Variants in KYNU observed in about 807,000 individuals in gnomAD.
KYNU encodes the protein L-kynurenine hydrolase.
A neutral mutation model predicts 59.2 loss-of-function variants in KYNU; 54 were observed. That is an observed-to-expected ratio of 0.91 (90% CI 0.73 to 1.14). The LOEUF (loss-of-function observed/expected upper bound fraction) is 1.14, where lower values mean the gene tolerates loss of function less well. Ranked by LOEUF, KYNU falls within the 50% of genes most tolerant of loss-of-function variation. The probability of loss-of-function intolerance (pLI) is 0.00; values close to 1 mark genes in which losing one functional copy is unlikely to be tolerated. For missense variants in KYNU, 567 were observed against 554.4 expected (o/e 1.02, Z -0.23); for synonymous variants, 177 against 192.0 (o/e 0.92, Z 0.65).
At chr2:142,994,475 T>C (rs1396845028) in intron 10 of KYNU, among the ~76,000 whole-genome samples, 1 of 152,096 alleles carries the variant, frequency 6.6e-6, no homozygotes, top group African/African-American at 2.4e-5. Context: ...CATGACCAAC[T>C]CATGTATAGA....
At position 143,040,458 on chromosome 2, in the gene KYNU, C is replaced by T. The variant is rs140239671; in HGVS notation, c.1072C>T (p.Arg358Trp). 23 of 1,612,524 alleles carry T rather than the reference C, an allele frequency of 1.4e-5. No individual in the cohort carries two copies. The highest frequency in any genetic ancestry group is 8.0e-5 in the African/African-American group (6 of 74,840). Reference sequence around the variant, plus strand: ...TAAGCAAGCGACAATGAAGGCATTGCGGAAAAAATCTGTTTTGCTAACTGG... The same window carrying T: ...TAAGCAAGCGACAATGAAGGCATTGTGGAAAAAATCTGTTTTGCTAACTGG... ...IFKQATMKAL[R>W]KKSVLLTGYL... The change falls in exon 13 of 14, where the codon CGG becomes TGG. Residue 358 changes from arginine (R) to tryptophan (W), a missense_variant. Arg to Trp is a moderately radical substitution (Grantham distance 101). Transcript: ENST00000264170.
chr2:142,986,158 TAAC>T (rs922955829), intron 10 of KYNU, 137 bp downstream of exon 10: 26 of 674,268 alleles, frequency 3.9e-5, no homozygotes, highest in Non-Finnish European at 6.3e-5. Flanking sequence ...CCTACTCTGC[TAAC>T]AACAATATAC....
At chr2:142,930,631 G>A (rs1227288362) in intron 4 of KYNU, among the ~76,000 whole-genome samples, 1 of 152,060 alleles carries the variant, frequency 6.6e-6, no homozygotes, top group East Asian at 1.9e-4. Context: ...TGTACTGGAG[G>A]AAACAGTTCT....
intron 10 of KYNU, among the ~76,000 whole-genome samples, chr2:143,004,104 G>A (rs904981478): frequency 6.6e-6 from 1 of 152,160 alleles, no homozygotes; most frequent in Non-Finnish European, 1.5e-5. Flanking sequence ...TTCATTAGAT[G>A]ATAGGCTTCT....
At chr2:143,019,378 C>A (rs535997117) in intron 10 of KYNU, among the ~76,000 whole-genome samples, 4 of 152,102 alleles carry the variant, frequency 2.6e-5, no homozygotes, top group African/African-American at 9.6e-5. Flanking sequence ...CTTTTCAGCA[C>A]GTATTGAAAT....
Position 142,960,544 on chromosome 2 carries a change from C to T in KYNU, c.583-80C>T, listed in dbSNP as rs145079578. On this transcript the variant is annotated intron_variant, in intron 7 of 13. Transcript: ENST00000264170. The stretch of plus-strand genomic sequence containing the variant: ...CTATTTTATAATGCAAAAGGGCTCA[C>T]GGTGAAATTTAGATCGGCAATATGA... 9.0e-5 allele frequency: 119 copies of T among 1,322,826 alleles called. 1 individual carries two copies. The African/African-American group carries it at 1.0e-3, about 12-fold the overall frequency. 81.9% of individuals were successfully genotyped at this position (1,322,826 alleles called of 1,614,324 possible).
At chr2:142,883,489 C>T (rs376169202) in intron 1 of KYNU, among the ~76,000 whole-genome samples, 5 of 152,134 alleles carry the variant, frequency 3.3e-5, no homozygotes, top group East Asian at 3.9e-4. Context: ...TGAGCCACTG[C>T]GCCTGGCCCC....
chr2:142,900,890 G>A (rs1682057580), intron 2 of KYNU, among the ~76,000 whole-genome samples: 1 of 152,096 alleles, frequency 6.6e-6, no homozygotes, highest in Admixed American at 6.6e-5. Context: ...CTGCATCTGG[G>A]GCTCCATTTG....
chr2:142,893,390 C>T (rs988957622), intron 2 of KYNU, among the ~76,000 whole-genome samples: 8 of 152,310 alleles, frequency 5.3e-5, no homozygotes, highest in Middle Eastern at 3.4e-3. Context: ...TCAGCTATCA[C>T]AAAGACTGTA....
At chr2:142,882,933 T>A (rs963950498) in intron 1 of KYNU, among the ~76,000 whole-genome samples, 9 of 152,196 alleles carry the variant, frequency 5.9e-5, no homozygotes, top group Admixed American at 4.6e-4. Context: ...TGAACTAGTT[T>A]ACAGTCCCAC....
At chr2:142,904,949 G>A (rs1014388564) in intron 2 of KYNU, among the ~76,000 whole-genome samples, 1 of 152,142 alleles carries the variant, frequency 6.6e-6, no homozygotes, top group Non-Finnish European at 1.5e-5. Context: ...TTTGTGCTCA[G>A]GGGTGAGTCC....
At chr2:143,016,940 T>C (rs1201865787) in intron 10 of KYNU, among the ~76,000 whole-genome samples, 1 of 152,168 alleles carries the variant, frequency 6.6e-6, no homozygotes, top group Non-Finnish European at 1.5e-5. Flanking sequence ...ACCATCCTTA[T>C]GTCCACGTTC....
chr2:142,968,347 G>A (rs1320725430), intron 8 of KYNU, among the ~76,000 whole-genome samples: 1 of 152,134 alleles, frequency 6.6e-6, no homozygotes, highest in Non-Finnish European at 1.5e-5. Flanking sequence ...TAGGATTGCA[G>A]GGAAGCAAGT....
At chr2:142,932,722 T>C (rs1683264937) in intron 4 of KYNU, among the ~76,000 whole-genome samples, 2 of 126,142 alleles carry the variant, frequency 1.6e-5, no homozygotes, top group South Asian at 5.6e-4. Flanking sequence ...TGGGAGGTAG[T>C]GCCTAGGGGC....
At chr2:143,027,174 TCAAATAGTGTAATC>T (rs1382802550) in intron 10 of KYNU, among the ~76,000 whole-genome samples, 4 of 152,184 alleles carry the variant, frequency 2.6e-5, no homozygotes, top group Admixed American at 1.3e-4. Context: ...TTGGTGTACT[TCAAATAGTGTAATC>T]CAAATAGTGT....
Position 143,044,767 on chromosome 2 carries a change from C to T in KYNU, c.*2595C>T, listed in dbSNP as rs776768161. 7.2e-5 allele frequency: 11 copies of T among 152,044 alleles called. No individual in the cohort carries two copies. The highest frequency in any genetic ancestry group is 4.2e-4 in the South Asian group (2 of 4,818). The allele number at this position is 152,044 out of a possible 1,614,324, so 9.4% of individuals were successfully genotyped here. ...TGGATAGATTGCAAAAATTTTCTCCCGTTCTGTAGGTTGCCCGATCACTCT... is the reference window on the plus strand; with the variant it reads ...TGGATAGATTGCAAAAATTTTCTCCTGTTCTGTAGGTTGCCCGATCACTCT... On this transcript the variant is annotated 3_prime_UTR_variant, in exon 14 of 14. Transcript: ENST00000264170.
intron 4 of KYNU, among the ~76,000 whole-genome samples, chr2:142,949,791 A>G (rs1035670493): frequency 6.6e-6 from 1 of 152,164 alleles, no homozygotes; most frequent in Non-Finnish European, 1.5e-5. Context: ...CTCGTTACTT[A>G]TGCAAATTTC....
At chr2:142,925,139 C>G (rs141524804) in intron 3 of KYNU, among the ~76,000 whole-genome samples, 6 of 152,160 alleles carry the variant, frequency 3.9e-5, no homozygotes, top group Non-Finnish European at 8.8e-5. Flanking sequence ...ATTGTGCTAT[C>G]AGCAAAGGCC....
At chr2:142,896,888 C>T (rs375690709) in intron 2 of KYNU, among the ~76,000 whole-genome samples, 4 of 152,262 alleles carry the variant, frequency 2.6e-5, no homozygotes, top group African/African-American at 4.8e-5. Context: ...CTCTTATTAG[C>T]GTCTATCACA....
Sources: allele counts gnomAD v4.1 joint callset (sites outside exome capture counted in the v4.1 genomes callset), GRCh38; gene constraint gnomAD v4.1.1; transcripts MANE v1.5; gene names NCBI Gene and HGNC (gene_info 2026-07-23, HGNC 2026-07-21).